Variants in SRPK2 observed in about 807,000 individuals in gnomAD.
The protein encoded by SRPK2 is SRSF protein kinase 2.
In SRPK2, 21 loss-of-function variants were observed where a neutral mutation model predicts 90.8. The ratio of observed to expected loss-of-function variants is 0.23; its 90% confidence interval spans 0.16 to 0.33. The LOEUF (loss-of-function observed/expected upper bound fraction) is 0.33, where lower values mean the gene tolerates loss of function less well. Ranked by LOEUF, SRPK2 falls within the 10% of genes least tolerant of loss-of-function variation. SRPK2 has a pLI of 1.00. For missense variants in SRPK2, 620 were observed against 869.0 expected (o/e 0.71, Z 3.60); for synonymous variants, 288 against 311.1 (o/e 0.93, Z 0.78).
At position 105,143,219 on chromosome 7, in the gene SRPK2, C is replaced by T; in HGVS notation, c.925G>A (p.Glu309Lys). Reference protein sequence around the residue: ...QEIEELEREAERKIIEENITS... With the variant: ...QEIEELEREAKRKIIEENITS... The stretch of plus-strand genomic sequence containing the variant: ...ATGTTTTCTTCTATTATTTTCCTTT[C>T]AGCTTCTCGCTCCAATTCTTCTATC... Residue 309 changes from glutamate to lysine, a missense_variant, in exon 10 of 16, where the codon GAA becomes AAA. Physicochemically the swap from Glu to Lys is moderately conservative, Grantham distance 56 (BLOSUM62 1). Coordinates refer to ENST00000393651, the MANE Select transcript of SRPK2 (RefSeq NM_182692.3). 1 of 1,614,226 alleles carries T rather than the reference C, an allele frequency of 6.2e-7. No homozygotes were observed. Among genetic ancestry groups the T allele is most frequent in the Non-Finnish European group, 8.5e-7 (1 of 1,180,026 alleles).
At chr7:105,164,580 T>G (rs1287328420) in intron 6 of SRPK2, among the ~76,000 whole-genome samples, 1 of 152,246 alleles carries the variant, frequency 6.6e-6, no homozygotes, top group Admixed American at 6.5e-5. Flanking sequence ...CTGATATGAT[T>G]GTTTACAAAA....
At chr7:105,196,842 G>T (rs1418858013) in intron 3 of SRPK2, among the ~76,000 whole-genome samples, 1 of 152,116 alleles carries the variant, frequency 6.6e-6, no homozygotes, top group Non-Finnish European at 1.5e-5. Context: ...TTGAGGTCAG[G>T]AGTTCGAGAC....
intron 2 of SRPK2, among the ~76,000 whole-genome samples, chr7:105,241,750 A>G (rs998288609): frequency 6.6e-6 from 1 of 152,114 alleles, no homozygotes; most frequent in Non-Finnish European, 1.5e-5. Context: ...GTCAGACGTG[A>G]TATTTCATTA....
intron 3 of SRPK2, among the ~76,000 whole-genome samples, chr7:105,188,383 G>A (rs1318719861): frequency 6.6e-6 from 1 of 152,176 alleles, no homozygotes; most frequent in Non-Finnish European, 1.5e-5. Context: ...TCTGGAGAAT[G>A]ATGAAAATGT....
chr7:105,202,149 G>A (rs746616828), intron 3 of SRPK2, among the ~76,000 whole-genome samples: 1 of 152,196 alleles, frequency 6.6e-6, no homozygotes, highest in Non-Finnish European at 1.5e-5. Flanking sequence ...GGAAGTACGT[G>A]CACCTATGAA....
In SRPK2 at chr7:105,170,787, G is replaced by A. The variant is rs1463699988; in HGVS notation, c.230-1522C>T. Among the ~76,000 whole-genome samples the A allele has an allele frequency of 6.8e-3, 677 of 99,416 alleles. 64 individuals carry two copies. Among genetic ancestry groups the A allele is most frequent in the African/African-American group, 0.023 (528 of 22,770 alleles). The allele number at this position is 99,416 out of a possible 152,430, so 65.2% of individuals were successfully genotyped here. Reference sequence around the variant, plus strand: ...AGGAAGGAAGGAAGGAAGGACGGGAGGGAGGGAGGGAGGGAGGGAGAGAGA... The same window carrying A: ...AGGAAGGAAGGAAGGAAGGACGGGAAGGAGGGAGGGAGGGAGGGAGAGAGA... On this transcript the variant is annotated intron_variant, in intron 3 of 15. Transcript: ENST00000393651.
intron 2 of SRPK2, among the ~76,000 whole-genome samples, chr7:105,277,460 T>C (rs1806675034): frequency 6.6e-6 from 1 of 152,216 alleles, no homozygotes. Flanking sequence ...TTTCTAATAC[T>C]GCTATCTGAA....
intron 6 of SRPK2, among the ~76,000 whole-genome samples, chr7:105,162,140 CA>C (rs1275820568): frequency 6.6e-6 from 1 of 152,190 alleles, no homozygotes; most frequent in Admixed American, 6.5e-5. Context: ...CTCCTGGGTT[CA>C]AGCGATTCTC....
chr7:105,147,994 T>C (rs1313017838), intron 7 of SRPK2, among the ~76,000 whole-genome samples: 2 of 152,202 alleles, frequency 1.3e-5, no homozygotes, highest in African/African-American at 2.4e-5. Flanking sequence ...TGTGTGAACA[T>C]ACTTTTTTTG....
In SRPK2 at chr7:105,117,785, T is replaced by A; in HGVS notation, c.*53A>T. The A allele has an allele frequency of 1.3e-6, 2 of 1,578,574 alleles. No homozygotes were observed. Among genetic ancestry groups the A allele is most frequent in the South Asian group, 2.2e-5 (2 of 89,840 alleles). On this transcript the variant is annotated 3_prime_UTR_variant, in exon 16 of 16. Transcript: ENST00000393651. Reference sequence around the variant, plus strand: ...TAAAGAATGAGAGTCACCGTTTAGGTCCAATGTACTGGGAACATTTGCTAG... The same window carrying A: ...TAAAGAATGAGAGTCACCGTTTAGGACCAATGTACTGGGAACATTTGCTAG...
intron 2 of SRPK2, among the ~76,000 whole-genome samples, chr7:105,211,923 G>A (rs901510639): frequency 6.6e-6 from 1 of 152,212 alleles, no homozygotes; most frequent in Admixed American, 6.5e-5. Context: ...GAAAAGAAAG[G>A]AGTTGGTGTT....
intron 9 of SRPK2, chr7:105,143,578 CAGTA>C: frequency 2.0e-6 from 1 of 500,830 alleles, no homozygotes. Flanking sequence ...AGCTTAAATC[CAGTA>C]AGTCTTCACC....
At chr7:105,178,627 T>A (rs1792317149) in intron 3 of SRPK2, among the ~76,000 whole-genome samples, 1 of 152,030 alleles carries the variant, frequency 6.6e-6, no homozygotes, top group South Asian at 2.1e-4. Flanking sequence ...GAGACTAGCC[T>A]GGGCAAAAGA....
chr7:105,323,265 G>A (rs1020460995), intron 2 of SRPK2, among the ~76,000 whole-genome samples: 8 of 152,116 alleles, frequency 5.3e-5, no homozygotes, highest in Admixed American at 2.6e-4. Context: ...TTATGCTAGA[G>A]ACAAAAATGC....
chr7:105,278,413 A>G (rs1806804289), intron 2 of SRPK2, among the ~76,000 whole-genome samples: 2 of 147,168 alleles, frequency 1.4e-5, no homozygotes, highest in African/African-American at 5.0e-5. Context: ...GTGGCTCACA[A>G]CTGTAATCCC....
chr7:105,167,957 A>G (rs750266127), intron 5 of SRPK2, 51 bp downstream of exon 5: 7 of 1,449,570 alleles, frequency 4.8e-6, no homozygotes, highest in Non-Finnish European at 6.6e-6. Flanking sequence ...TTTCTGTAAA[A>G]TTTTAAGTCA....
intron 2 of SRPK2, among the ~76,000 whole-genome samples, chr7:105,274,932 C>T (rs372412432): frequency 2.0e-5 from 3 of 151,470 alleles, no homozygotes; most frequent in African/African-American, 7.3e-5. Flanking sequence ...CTCACTCTGT[C>T]GCCCAAGCTG....
At chr7:105,368,324 G>A (rs551014215) in intron 2 of SRPK2, among the ~76,000 whole-genome samples, 1 of 152,254 alleles carries the variant, frequency 6.6e-6, no homozygotes, top group South Asian at 2.1e-4. Flanking sequence ...ATAAAACCGT[G>A]CAGGTCCATG....
chr7:105,211,306 A>G (rs2129612536), intron 2 of SRPK2, among the ~76,000 whole-genome samples: 1 of 152,126 alleles, frequency 6.6e-6, no homozygotes, highest in South Asian at 2.1e-4. Context: ...CCAGAATGGG[A>G]AACAGTTCTC....
Sources: allele counts gnomAD v4.1 joint callset (sites outside exome capture counted in the v4.1 genomes callset), GRCh38; gene constraint gnomAD v4.1.1; transcripts MANE v1.5; gene names NCBI Gene and HGNC (gene_info 2026-07-23, HGNC 2026-07-21).